TELO2: variants seen among roughly 807,000 people sequenced by gnomAD.
TELO2 encodes telomere maintenance 2, also known as telomere length regulation protein TEL2 homolog.
Under a neutral mutation model 91.0 loss-of-function variants are expected in TELO2, and 71 were observed. The observed-to-expected ratio is 0.78, with a 90% CI of 0.64 to 0.95. The LOEUF (loss-of-function observed/expected upper bound fraction) is 0.95. Ranked by LOEUF, TELO2 falls within the 40% of genes least tolerant of loss-of-function variation. The pLI, the probability that TELO2 is intolerant of heterozygous loss-of-function variation, is 0.00. For missense variants in TELO2, 1,183 were observed against 1,141.3 expected, an observed-to-expected ratio of 1.04 and a Z score of -0.53; for synonymous variants, 584 against 518.9, an observed-to-expected ratio of 1.13 and a Z score of -1.71.
At chr16:1,506,496 A>C in intron 17 of TELO2, 167 bp downstream of exon 17, 1 of 1,470,206 alleles carries the variant, frequency 6.8e-7, no homozygotes. Context: ...AGCGTCCCGC[A>C]AGATTCCTCT....
chr16:1,494,194 C>T lies in TELO2; in HGVS notation c.-36-52C>T. On this transcript the variant is annotated intron_variant, in intron 1 of 20. Coordinates refer to ENST00000262319, the MANE Select transcript of TELO2 (RefSeq NM_016111.4). The surrounding 1 kb of genome is among the most constrained non-coding windows in gnomAD (Gnocchi z 5.6). ...GGCGCTCACCGAGGGGCTTCCTGAG[C>T]TTGTGTGGATTATTTCCGTGCCCCA... 1.5e-6 allele frequency: 2 copies of T among 1,331,820 alleles called. No homozygotes were observed. The highest frequency in any genetic ancestry group is 2.4e-5 in the East Asian group (1 of 41,522). 82.5% of individuals were successfully genotyped at this position (1,331,820 alleles called of 1,614,324 possible). A position where few individuals can be genotyped will look rare whatever the true frequency, so the allele number is the denominator to read the frequency against.
intron 9 of TELO2, 125 bp downstream of exon 9, chr16:1,500,824 T>C (rs1473773976): frequency 7.0e-6 from 10 of 1,427,116 alleles, no homozygotes; most frequent in Non-Finnish European, 9.4e-6. Context: ...CGTGTGGACT[T>C]CTCGCAGGGC....
In TELO2 at chr16:1,507,583, C is replaced by G; in HGVS notation, c.2292-18C>G. 1.3e-6 allele frequency: 2 copies of G among 1,569,880 alleles called. No homozygotes were observed. Among genetic ancestry groups the G allele is most frequent in the African/African-American group, 2.7e-5 (2 of 74,732 alleles). On this transcript the variant is annotated intron_variant, in intron 19 of 20. Coordinates refer to ENST00000262319, the MANE Select transcript of TELO2 (RefSeq NM_016111.4). ...GTGTGGTCCCTGCCGAGCTCAGCCCCCGCCTTCTTGCCGGCAGCTACGTGC... is the reference window on the plus strand; with the variant it reads ...GTGTGGTCCCTGCCGAGCTCAGCCCGCGCCTTCTTGCCGGCAGCTACGTGC...
chr16:1,509,915 C>T lies in TELO2; in HGVS notation c.2493C>T (p.Leu831=), dbSNP rs771942408. The T allele has an allele frequency of 2.4e-5, 38 of 1,604,866 alleles. No homozygotes were observed. Among genetic ancestry groups the T allele is most frequent in the Non-Finnish European group, 2.9e-5 (34 of 1,176,382 alleles). Residue 831 remains leucine (L), a synonymous_variant, in exon 21 of 21, where the codon CTC becomes CTT. Transcript: ENST00000262319. ...LLLLQRLKNR[L]LPPASP ...TTCTGCAGAGACTCAAGAACAGGCT[C>T]CTCCCACCCGCGTCTCCCTAGTCCC...
chr16:1,508,506 TG>T (rs2039990286), intron 20 of TELO2, among the ~76,000 whole-genome samples: 2 of 152,230 alleles, frequency 1.3e-5, no homozygotes, highest in African/African-American at 4.8e-5. Context: ...GGTGGCTTCA[TG>T]GATACCGCCT....
In TELO2 at chr16:1,509,832, G is replaced by C; in HGVS notation, c.2410G>C (p.Val804Leu). 6.2e-7 allele frequency: 1 copy of C among 1,611,172 alleles called. No homozygotes were observed. Among genetic ancestry groups the C allele is most frequent in the Non-Finnish European group, 8.5e-7 (1 of 1,179,362 alleles). Residue 804 changes from valine to leucine, a missense_variant and splice_region_variant, in exon 21 of 21, where the codon GTG becomes CTG. Val to Leu is a conservative substitution (Grantham distance 32). Transcript: ENST00000262319. ...TGCTTGTCACTCTCGTCTGGCAGAC[G>C]TGGCTGAGAAAGACCCGGACGAGGA... ...LLEARSWLAD[V>L]AEKDPDEDCR...
Position 1,502,953 on chromosome 16 carries a change from A to G in TELO2, c.1793A>G (p.Gln598Arg). ...PAPVADYLTS[Q>R]FYALNYSLRQ... ...CAGGTGGCCGACTATCTGACCTCAC[A>G]GTTCTATGCCCTCAACTACAGCCTC... is the stretch of plus-strand genomic sequence containing the variant. The change falls in exon 15 of 21, where the codon CAG becomes CGG. Residue 598 changes from glutamine (Q) to arginine (R), a missense_variant. Coordinates refer to ENST00000262319, the MANE Select transcript of TELO2 (RefSeq NM_016111.4). The G allele has an allele frequency of 1.2e-6, 2 of 1,611,484 alleles. No individual in the cohort carries two copies. The highest frequency in any genetic ancestry group is 8.5e-7 in the Non-Finnish European group (1 of 1,179,998).
Position 1,505,352 on chromosome 16 carries a change from C to G in TELO2, c.1843-58C>G, listed in dbSNP as rs982474537. 29 of 1,556,246 alleles carry G rather than the reference C, an allele frequency of 1.9e-5. No homozygotes were observed. The African/African-American group carries it at 3.7e-4, about 20-fold the overall frequency. ...TTCTGGGGCTTTGGCTGACTTGACT[C>G]TTGGGAAATGTTCTTCCCTGGAGCA... On this transcript the variant is annotated intron_variant, in intron 15 of 20. Coordinates refer to ENST00000262319, the MANE Select transcript of TELO2 (RefSeq NM_016111.4). The surrounding 1 kb of genome is among the most constrained non-coding windows in gnomAD (Gnocchi z 4.3).
At chr16:1,506,677 G>C in intron 17 of TELO2, 1 of 1,371,462 alleles carries the variant, frequency 7.3e-7, no homozygotes, top group African/African-American at 1.5e-5. Flanking sequence ...TGAGGCTCTC[G>C]AGATGGCAGA....
chr16:1,500,552 G>T lies in TELO2; in HGVS notation c.1145-11G>T. ...CCCGAGGTGCTCAGGGGGCCTGTCC[G>T]GTGCTTGCAGAACTGCTGGCCAGCA... On this transcript the variant is annotated splice_polypyrimidine_tract_variant and intron_variant, in intron 8 of 20. Coordinates refer to ENST00000262319, the MANE Select transcript of TELO2 (RefSeq NM_016111.4). 1 of 1,611,276 alleles carries T rather than the reference G, an allele frequency of 6.2e-7. No homozygotes were observed.
chr16:1,507,866 GTGTGTGTGTGTGTGTGTGTGT>G (rs2039965740), intron 20 of TELO2, 150 bp downstream of exon 20: 5 of 398,610 alleles, frequency 1.3e-5, no homozygotes, highest in Middle Eastern at 7.8e-4. Context: ...GTGTGTGTGT[GTGTGTGTGTGTGTGTGTGTGT>G]GTGTGTGATG....
At chr16:1,508,125 T>C (rs1400211436) in intron 20 of TELO2, among the ~76,000 whole-genome samples, 1 of 148,886 alleles carries the variant, frequency 6.7e-6, no homozygotes, top group African/African-American at 2.5e-5. Context: ...GGTGCAGTCC[T>C]GGCAACTTTT....
Position 1,502,781 on chromosome 16 carries a change from G to A in TELO2, c.1770+20G>A, listed in dbSNP as rs756666506. ...GCCCCGGTGAGTTCCCGCACCCGTG[G>A]CCCTGGCCAGTGCAGGCACAGCGGG... On this transcript the variant is annotated intron_variant, in intron 14 of 20. Coordinates refer to ENST00000262319, the MANE Select transcript of TELO2 (RefSeq NM_016111.4). 90 of 1,609,352 alleles carry A rather than the reference G, an allele frequency of 5.6e-5. No individual in the cohort carries two copies. Among genetic ancestry groups the A allele is most frequent in the Non-Finnish European group, 7.1e-5 (84 of 1,179,384 alleles).
intron 3 of TELO2, among the ~76,000 whole-genome samples, 160 bp from the exon 4 acceptor site, chr16:1,496,876 G>T (rs2039511107): frequency 2.0e-5 from 3 of 152,374 alleles, no homozygotes; most frequent in Middle Eastern, 6.8e-3. Context: ...ACGCACTCCT[G>T]TTCAGATTTG....
In TELO2 at chr16:1,510,346, CAGG is replaced by C. The variant is rs972330149; in HGVS notation, c.*413_*415del. 1 of 242,234 alleles carries C rather than the reference CAGG, an allele frequency of 4.1e-6. No individual in the cohort carries two copies. The highest frequency in any genetic ancestry group is 8.2e-6 in the Non-Finnish European group (1 of 122,678). 15.0% of individuals were successfully genotyped at this position (242,234 alleles called of 1,614,324 possible). A position where few individuals can be genotyped will look rare whatever the true frequency, so the allele number is the denominator to read the frequency against. On this transcript the variant is annotated 3_prime_UTR_variant, in exon 21 of 21. Coordinates refer to ENST00000262319, the MANE Select transcript of TELO2 (RefSeq NM_016111.4). ...TCCCTCGGGCTGAGCGCCGTGTCAC[CAGG>C]AGAATAGTGCTCACAGCCCAGGCAG...
Position 1,502,985 on chromosome 16 carries a change from C to T in TELO2, c.1825C>T (p.Arg609Cys), listed in dbSNP as rs766665093. The T allele has an allele frequency of 6.8e-6, 11 of 1,610,834 alleles. No individual in the cohort carries two copies. The highest frequency in any genetic ancestry group is 1.7e-5 in the Admixed American group (1 of 60,004). ...TGCCCTCAACTACAGCCTCCGGCAG[C>T]GCATGGACATCCTGGATGTAAGTGC... ...FYALNYSLRQ[R>C]MDILDVLTLA... The change falls in exon 15 of 21, where the codon CGC becomes TGC. Residue 609 changes from arginine to cysteine, a missense_variant. By Grantham distance (180) the Arg-to-Cys change is radical (BLOSUM62 -3). Coordinates refer to ENST00000262319, the MANE Select transcript of TELO2 (RefSeq NM_016111.4).
In TELO2 at chr16:1,501,670, C is replaced by G. The variant is rs777347859; in HGVS notation, c.1369C>G (p.Leu457Val). Reference sequence around the variant, plus strand: ...TTCCTTGTTTCCTTAAAGCACGTCCCTCGTTCCAGCCACGGCAGAGCCCCC... The same window carrying G: ...TTCCTTGTTTCCTTAAAGCACGTCCGTCGTTCCAGCCACGGCAGAGCCCCC... ...GDGASEAGTS[L>V]VPATAEPPAE... is the part of the protein sequence containing the mutation. Residue 457 changes from leucine (L) to valine (V), a missense_variant, in exon 11 of 21, where the codon CTC becomes GTC. Leu to Val is a conservative substitution (Grantham distance 32). Coordinates refer to ENST00000262319, the MANE Select transcript of TELO2 (RefSeq NM_016111.4). 2.5e-6 allele frequency: 4 copies of G among 1,607,998 alleles called. No individual in the cohort carries two copies. The highest frequency in any genetic ancestry group is 2.5e-6 in the Non-Finnish European group (3 of 1,177,716).
At chr16:1,495,922 C>T (rs894470916) in intron 3 of TELO2, among the ~76,000 whole-genome samples, 4 of 152,232 alleles carry the variant, frequency 2.6e-5, no homozygotes, top group Admixed American at 6.5e-5. Flanking sequence ...TGGAGGCAGA[C>T]GCTGGCGGTG....
rs1306848428 is a variant in TELO2, at chr16:1,497,705, C to T, written c.830+197C>T. Among the ~76,000 whole-genome samples, 4 of 152,198 alleles carry T rather than the reference C, an allele frequency of 2.6e-5. No homozygotes were observed. The highest frequency in any genetic ancestry group is 2.9e-5 in the Non-Finnish European group (2 of 68,028). On this transcript the variant is annotated intron_variant, in intron 5 of 20. Transcript: ENST00000262319. This position sits in a 1 kb window ranked among gnomAD's most constrained non-coding sequence, Gnocchi z 4.0. ...CCTCTGTATCAGAGGGTCCCTTTCTCTTATGAAATAGCATCGATGCTGTGA... is the reference window on the plus strand; with the variant it reads ...CCTCTGTATCAGAGGGTCCCTTTCTTTTATGAAATAGCATCGATGCTGTGA...
Sources: allele counts gnomAD v4.1 joint callset (sites outside exome capture counted in the v4.1 genomes callset), GRCh38; gene constraint gnomAD v4.1.1; non-coding constraint Gnocchi (gnomAD v3.1); transcripts MANE v1.5; gene names NCBI Gene and HGNC (gene_info 2026-07-23, HGNC 2026-07-21).